Variants in ANKS1B observed in about 807,000 individuals in gnomAD.
ANKS1B encodes ankyrin repeat and sterile alpha motif domain-containing protein 1B.
Under a neutral mutation model 148.3 loss-of-function variants are expected in ANKS1B, and 36 were observed. The ratio of observed to expected loss-of-function variants is 0.24; its 90% CI spans 0.19 to 0.32. ANKS1B has a LOEUF of 0.32. ANKS1B is among the 10% of genes least tolerant of loss of function. The pLI, the probability that ANKS1B is intolerant of heterozygous loss-of-function variation, is 1.00. For synonymous variants in ANKS1B, 542 were observed against 560.8 expected, an observed-to-expected ratio of 0.97 and a Z score of 0.47; for missense variants, 1,157 against 1,542.6, an observed-to-expected ratio of 0.75 and a Z score of 4.19.
intron 15 of ANKS1B, among the ~76,000 whole-genome samples, chr12:99,137,452 C>A (rs1248183119): frequency 4.6e-5 from 7 of 152,204 alleles, no homozygotes; most frequent in Non-Finnish European, 1.0e-4. Flanking sequence ...CAAAGTACTT[C>A]AAACTAAACA....
At chr12:99,965,822 G>C (rs886220795) in intron 1 of ANKS1B, among the ~76,000 whole-genome samples, 1 of 152,190 alleles carries the variant, frequency 6.6e-6, no homozygotes, top group Non-Finnish European at 1.5e-5. Flanking sequence ...TGAGGCACAA[G>C]AATCGCTTGA....
intron 1 of ANKS1B, among the ~76,000 whole-genome samples, chr12:99,827,823 G>A (rs1256187130): frequency 6.6e-6 from 1 of 152,102 alleles, no homozygotes; most frequent in Non-Finnish European, 1.5e-5. Flanking sequence ...ACCACTTAGT[G>A]AAACAATTTG....
At chr12:99,541,459 G>A (rs537999825) in intron 9 of ANKS1B, among the ~76,000 whole-genome samples, 2 of 152,168 alleles carry the variant, frequency 1.3e-5, no homozygotes, top group Non-Finnish European at 2.9e-5. Flanking sequence ...ATACTTGGCT[G>A]GTTCAATATA....
At chr12:99,931,331 T>TA (rs371482528) in intron 1 of ANKS1B, among the ~76,000 whole-genome samples, 10,563 of 151,816 alleles carry the variant, frequency 0.07, 420 homozygotes, top group South Asian at 0.1. Context: ...CCCTAAAACT[T>TA]AAAGTATAAT....
At chr12:99,114,832 T>C (rs2061007475) in intron 15 of ANKS1B, among the ~76,000 whole-genome samples, 1 of 152,084 alleles carries the variant, frequency 6.6e-6, no homozygotes, top group Admixed American at 6.5e-5. Flanking sequence ...ACCGATACTT[T>C]TCTAAAGAAG....
chr12:99,364,261 C>T (rs1212649662), intron 12 of ANKS1B, among the ~76,000 whole-genome samples: 1 of 138,994 alleles, frequency 7.2e-6, no homozygotes, highest in South Asian at 2.2e-4. Context: ...AATGAGTAGA[C>T]AAGCAGTATA....
At chr12:98,843,241 C>T (rs138007582) in intron 17 of ANKS1B, among the ~76,000 whole-genome samples, 2 of 152,304 alleles carry the variant, frequency 1.3e-5, no homozygotes, top group Admixed American at 1.3e-4. Flanking sequence ...GGCGAATCCT[C>T]CTTGAAATAA....
intron 8 of ANKS1B, among the ~76,000 whole-genome samples, chr12:99,664,633 T>C (rs1259454239): frequency 1.3e-5 from 2 of 152,148 alleles, no homozygotes; most frequent in African/African-American, 2.4e-5. Flanking sequence ...TACATACCTG[T>C]GCATTCACCA....
intron 14 of ANKS1B, among the ~76,000 whole-genome samples, chr12:99,205,063 C>T (rs1011160870): frequency 2.0e-5 from 3 of 152,080 alleles, no homozygotes; most frequent in Admixed American, 1.3e-4. Context: ...ACCAGGCCCC[C>T]CCCAAAAAGA....
chr12:99,598,988 G>A (rs1042393580), intron 9 of ANKS1B, among the ~76,000 whole-genome samples: 2 of 151,858 alleles, frequency 1.3e-5, no homozygotes, highest in Admixed American at 1.3e-4. Flanking sequence ...TTCAGCTTCT[G>A]GTGACTGCCA....
chr12:99,594,113 C>T (rs926640386), intron 9 of ANKS1B, among the ~76,000 whole-genome samples: 5 of 151,934 alleles, frequency 3.3e-5, no homozygotes, highest in African/African-American at 1.2e-4. Flanking sequence ...ATTTATCTGC[C>T]TCATAGGGTT....
At chr12:99,545,966 GAGA>G (rs2097169514) in intron 9 of ANKS1B, among the ~76,000 whole-genome samples, 1 of 151,892 alleles carries the variant, frequency 6.6e-6, no homozygotes, top group African/African-American at 2.4e-5. Context: ...TCCTCCGTTG[GAGA>G]AGAACCCCAA....
chr12:99,012,434 C>T (rs1265286432), intron 17 of ANKS1B, among the ~76,000 whole-genome samples: 1 of 152,136 alleles, frequency 6.6e-6, no homozygotes, highest in Non-Finnish European at 1.5e-5. Flanking sequence ...ATTTCTAAGA[C>T]TTTATATTTT....
chr12:99,177,921 T>C (rs1352269827), intron 14 of ANKS1B, among the ~76,000 whole-genome samples: 2 of 152,262 alleles, frequency 1.3e-5, no homozygotes, highest in East Asian at 1.9e-4. Flanking sequence ...TTTCAGTTCA[T>C]TGTGATAGAT....
intron 9 of ANKS1B, among the ~76,000 whole-genome samples, chr12:99,576,344 C>T (rs950201065): frequency 7.9e-5 from 12 of 151,980 alleles, no homozygotes; most frequent in African/African-American, 2.2e-4. Flanking sequence ...AAAAAATTAA[C>T]AAGATATTCA....
chr12:99,400,118 CAATTTT>C (rs1215468480), intron 11 of ANKS1B, among the ~76,000 whole-genome samples: 1 of 148,596 alleles, frequency 6.7e-6, no homozygotes, highest in African/African-American at 2.6e-5. Flanking sequence ...TTGAAAGTTG[CAATTTT>C]AAGTCACCTT....
At chr12:98,880,536 G>A (rs2099704464) in intron 17 of ANKS1B, among the ~76,000 whole-genome samples, 1 of 152,160 alleles carries the variant, frequency 6.6e-6, no homozygotes, top group African/African-American at 2.4e-5. Context: ...GGAGGCCGAG[G>A]CGGGTGGATC....
chr12:99,937,253 T>C (rs2153813219), intron 1 of ANKS1B, among the ~76,000 whole-genome samples: 1 of 152,266 alleles, frequency 6.6e-6, no homozygotes. Context: ...CACCCTTCTC[T>C]GCAGGGGCCA....
At chr12:99,353,021 G>T (rs1394740201) in intron 12 of ANKS1B, among the ~76,000 whole-genome samples, 1 of 152,028 alleles carries the variant, frequency 6.6e-6, no homozygotes, top group Non-Finnish European at 1.5e-5. Context: ...AAACAGGGAT[G>T]TTATCCCCAC....
Sources: gnomAD v4.1 joint callset for allele counts (sites outside exome capture counted in the v4.1 genomes callset) on GRCh38, gnomAD v4.1.1 for gene constraint, MANE v1.5 for transcripts, NCBI Gene and HGNC (gene_info 2026-07-23, HGNC 2026-07-21) for gene names.